The following SHOX variants were observed in gnomAD, a reference collection of about 807,000 sequenced individuals.
The protein encoded by SHOX is SHOX homeobox.
SHOX carries 12 observed loss-of-function variants against 29.6 expected under a neutral mutation model. The observed-to-expected ratio is 0.41, with a 90% CI of 0.26 to 0.66. SHOX has a LOEUF of 0.66. Ranked by LOEUF, SHOX falls within the 30% of genes least tolerant of loss-of-function variation. The probability of loss-of-function intolerance (pLI) is 0.35; values close to 1 mark genes in which losing one functional copy is unlikely to be tolerated. For synonymous variants in SHOX, 214 were observed against 200.6 expected (o/e 1.07, Z -0.57); for missense variants, 499 against 437.7 (o/e 1.14, Z -1.25).
chrX:625,058 C>CCCTCCCTCCCTCCTTCT (rs1556451947), intron 1 of SHOX, among the ~76,000 whole-genome samples: 18,998 of 75,032 alleles, frequency 0.25, 1,953 homozygotes, highest in East Asian at 0.37. Context: ...TCTGTTCCTT[C>CCCTCCCTCCCTCCTTCT]CTCCCTCCCT....
intron 1 of SHOX, among the ~76,000 whole-genome samples, chrX:633,298 T>G (rs1207503898): frequency 6.6e-6 from 1 of 151,984 alleles, no homozygotes; most frequent in Non-Finnish European, 1.5e-5. Flanking sequence ...AGTTTGTCAG[T>G]TGGGCTCAAT....
rs1448346389 is a variant in SHOX, at chrX:645,093, TC to T, written c.*459del. ...CGATTTTCTTTACTACCATGCTCCT[TC>T]CTTCATCCCGAGAGGCTGCGGAACG... is the stretch of plus-strand genomic sequence containing the variant. On this transcript the variant is annotated 3_prime_UTR_variant, in exon 5 of 5. Transcript: ENST00000686671. 6.4e-6 allele frequency: 1 copy of T among 156,874 alleles called. No homozygotes were observed. The highest frequency in any genetic ancestry group is 2.4e-5 in the African/African-American group (1 of 41,654). 9.7% of individuals were successfully genotyped at this position (156,874 alleles called of 1,614,324 possible).
intron 5 of SHOX, among the ~76,000 whole-genome samples, chrX:657,509 A>G (rs763566048): frequency 1.3e-4 from 20 of 152,234 alleles, no homozygotes; most frequent in South Asian, 6.2e-4. Context: ...CATCACAAGA[A>G]CCAGTTTTTT....
In SHOX at chrX:644,687, G is replaced by T; in HGVS notation, c.*51G>T. ...CGGACTCCCGGGCTCCGCGCACCCCGCCTGCACCGCGCGTCCTGCACTCAA... is the reference window on the plus strand; with the variant it reads ...CGGACTCCCGGGCTCCGCGCACCCCTCCTGCACCGCGCGTCCTGCACTCAA... On this transcript the variant is annotated 3_prime_UTR_variant, in exon 5 of 5. Transcript: ENST00000686671. The T allele has an allele frequency of 7.3e-7, 1 of 1,376,794 alleles. No individual in the cohort carries two copies. Among genetic ancestry groups the T allele is most frequent in the Non-Finnish European group, 9.3e-7 (1 of 1,076,472 alleles). The allele number at this position is 1,376,794 out of a possible 1,614,324, so 85.3% of individuals were successfully genotyped here. A position where few individuals can be genotyped will look rare whatever the true frequency, so the allele number is the denominator to read the frequency against.
chrX:633,936 C>G (rs957183343), intron 1 of SHOX, among the ~76,000 whole-genome samples: 10 of 152,216 alleles, frequency 6.6e-5, no homozygotes, highest in Admixed American at 2.0e-4. Context: ...AGACAGGTCA[C>G]CAACTACTGG....
At chrX:656,651 C>T (rs990430407) in intron 5 of SHOX, among the ~76,000 whole-genome samples, 1 of 152,222 alleles carries the variant, frequency 6.6e-6, no homozygotes, top group Admixed American at 6.5e-5. Context: ...ACCATCCTGG[C>T]TAACACGGTG....
At position 644,683 on chromosome X, in the gene SHOX, C is replaced by A; in HGVS notation, c.*47C>A. 1 of 1,394,258 alleles carries A rather than the reference C, an allele frequency of 7.2e-7. No homozygotes were observed. 86.4% of individuals were successfully genotyped at this position (1,394,258 alleles called of 1,614,324 possible). A position where few individuals can be genotyped will look rare whatever the true frequency, so the allele number is the denominator to read the frequency against. On this transcript the variant is annotated 3_prime_UTR_variant, in exon 5 of 5. Coordinates refer to ENST00000686671, the MANE Select transcript of SHOX (RefSeq NM_000451.4). ...CGCCCGGACTCCCGGGCTCCGCGCA[C>A]CCCGCCTGCACCGCGCGTCCTGCAC...
At chrX:635,039 A>T (rs973706055) in intron 2 of SHOX, among the ~76,000 whole-genome samples, 7 of 152,130 alleles carry the variant, frequency 4.6e-5, no homozygotes, top group Non-Finnish European at 8.8e-5. Flanking sequence ...CACCAACAGC[A>T]AACAAATATA....
intron 2 of SHOX, among the ~76,000 whole-genome samples, chrX:638,982 G>A (rs2052803429): frequency 6.6e-6 from 1 of 152,194 alleles, no homozygotes; most frequent in African/African-American, 2.4e-5. Flanking sequence ...CAGGGAGGTG[G>A]TGGTGGGGGA....
chrX:626,954 C>T (rs1229343938), upstream of SHOX, among the ~76,000 whole-genome samples: 1 of 151,566 alleles, frequency 6.6e-6, no homozygotes, highest in Non-Finnish European at 1.5e-5. Flanking sequence ...CTTTTTCTCT[C>T]TCTGTCTGTA....
chrX:626,683 A>C (rs1267220587), upstream of SHOX, among the ~76,000 whole-genome samples: 79 of 47,044 alleles, frequency 1.7e-3, no homozygotes, highest in South Asian at 3.1e-3. Context: ...ATCTCTGTCT[A>C]TCTCTGTCTC....
intron 4 of SHOX, among the ~76,000 whole-genome samples, chrX:641,505 A>G (rs1389447696): frequency 2.0e-5 from 3 of 152,024 alleles, no homozygotes; most frequent in Non-Finnish European, 2.9e-5. Flanking sequence ...CCTGACCAAC[A>G]TGCTGAAACC....
At chrX:634,869 C>T (rs1341550422) in intron 2 of SHOX, 43 bp downstream of exon 2, 3 of 1,539,472 alleles carry the variant, frequency 1.9e-6, no homozygotes, top group Non-Finnish European at 2.6e-6. Context: ...GAGCCATCGC[C>T]TGGTCCTCGG....
upstream of SHOX, among the ~76,000 whole-genome samples, chrX:629,275 A>C (rs1357050215): frequency 2.6e-3 from 191 of 74,792 alleles, no homozygotes; most frequent in Middle Eastern, 0.011. Flanking sequence ...CTCTCTCTCC[A>C]TCTCTCTCCG....
intron 4 of SHOX, among the ~76,000 whole-genome samples, chrX:643,850 C>G (rs1301357293): frequency 8.4e-6 from 1 of 118,370 alleles, no homozygotes; most frequent in African/African-American, 3.6e-5. Flanking sequence ...GAGGCTTGGA[C>G]ACCTGGTGTC....
rs1556471587 is a variant in SHOX, at chrX:648,942, C to CTTTTCTTTCTTTGTTTTTTTCT, written c.*4318_*4319insGTTTTTTTCTTTTTCTTTCTTT. ...TTTTTCTTTCTTTCTCTCTTTCTTT[C>CTTTTCTTTCTTTGTTTTTTTCT]TTTTCTTTCTTTCTGTTTCTTTCCT... is the stretch of plus-strand genomic sequence containing the variant. On this transcript the variant is annotated 3_prime_UTR_variant, in exon 5 of 5. Coordinates refer to ENST00000686671, the MANE Select transcript of SHOX (RefSeq NM_000451.4). Among the ~76,000 whole-genome samples, 1 of 145,932 alleles carries CTTTTCTTTCTTTGTTTTTTTCT rather than the reference C, an allele frequency of 6.9e-6. No individual in the cohort carries two copies. The highest frequency in any genetic ancestry group is 1.5e-5 in the Non-Finnish European group (1 of 66,454).
intron 2 of SHOX, among the ~76,000 whole-genome samples, chrX:637,509 G>A (rs190893644): frequency 6.6e-6 from 1 of 151,800 alleles, no homozygotes; most frequent in East Asian, 1.9e-4. Context: ...AAGACAAATC[G>A]GGGACAAGCT....
intron 1 of SHOX, among the ~76,000 whole-genome samples, chrX:633,394 T>A (rs1283708439): frequency 1.3e-5 from 2 of 150,730 alleles, no homozygotes; most frequent in Non-Finnish European, 2.9e-5. Context: ...AGGAATGGAG[T>A]GTTCTTGCAG....
chrX:628,551 TTCTC>T (rs1239302815), upstream of SHOX, among the ~76,000 whole-genome samples: 1 of 35,556 alleles, frequency 2.8e-5, no homozygotes, highest in African/African-American at 9.1e-5. Flanking sequence ...GTCTCTCTCT[TTCTC>T]TCTCTATCTC....
Sources: gnomAD v4.1 joint callset for allele counts (sites outside exome capture counted in the v4.1 genomes callset) on GRCh38, gnomAD v4.1.1 for gene constraint, MANE v1.5 for transcripts, NCBI Gene and HGNC (gene_info 2026-07-23, HGNC 2026-07-21) for gene names.